The following COL25A1 variants were observed in gnomAD, a reference collection of about 807,000 sequenced individuals.
COL25A1 encodes the protein collagen type XXV alpha 1 chain, also known as collagen alpha-1(XXV) chain.
In COL25A1, 103 loss-of-function variants were observed where a neutral mutation model predicts 128.4. The ratio of observed to expected loss-of-function variants is 0.80; its 90% CI spans 0.68 to 0.94. The LOEUF is 0.94. COL25A1 is among the 40% of genes least tolerant of loss of function. The probability of loss-of-function intolerance (pLI) is 0.00; values close to 1 mark genes in which losing one functional copy is unlikely to be tolerated. For synonymous variants in COL25A1, 279 were observed against 277.2 expected (o/e 1.01, Z -0.06); for missense variants, 745 against 840.0 (o/e 0.89, Z 1.40).
At chr4:108,823,874 G>T in intron 35 of COL25A1, 1 of 1,350,188 alleles carries the variant, frequency 7.4e-7, no homozygotes, top group African/African-American at 1.5e-5. Context: ...TTTTTAAAAT[G>T]ATTTTTTTTT....
At chr4:109,074,669 T>G (rs1445899103) in intron 3 of COL25A1, among the ~76,000 whole-genome samples, 1 of 152,220 alleles carries the variant, frequency 6.6e-6, no homozygotes, top group African/African-American at 2.4e-5. Context: ...GAGTTCTGTG[T>G]ATTATTCTCA....
intron 3 of COL25A1, among the ~76,000 whole-genome samples, chr4:109,292,518 T>A (rs1418090023): frequency 2.0e-5 from 3 of 152,078 alleles, no homozygotes; most frequent in Non-Finnish European, 4.4e-5. Context: ...AGCTCTACGA[T>A]GAGCCCTAGA....
chr4:108,872,040 T>C, intron 19 of COL25A1, among the ~76,000 whole-genome samples: 1 of 152,218 alleles, frequency 6.6e-6, no homozygotes. Context: ...AGGAAGTCTT[T>C]AAGGTCAAAC....
intron 3 of COL25A1, among the ~76,000 whole-genome samples, chr4:109,262,622 C>A (rs1424141088): frequency 6.6e-6 from 1 of 152,118 alleles, no homozygotes; most frequent in Admixed American, 6.5e-5. Context: ...CCTTTCAGTT[C>A]ATCGGTAAAA....
At chr4:109,091,871 C>T (rs1764937728) in intron 3 of COL25A1, among the ~76,000 whole-genome samples, 1 of 152,114 alleles carries the variant, frequency 6.6e-6, no homozygotes, top group South Asian at 2.1e-4. Context: ...CACACAAGCG[C>T]AGGAGTGAGT....
chr4:109,194,211 A>G (rs1775836449), intron 3 of COL25A1, among the ~76,000 whole-genome samples: 1 of 152,194 alleles, frequency 6.6e-6, no homozygotes, highest in Non-Finnish European at 1.5e-5. Context: ...ATGAACTGTA[A>G]AGAGAGGATT....
chr4:109,269,593 T>TCTCCAAA (rs1782054760), intron 3 of COL25A1, among the ~76,000 whole-genome samples: 2 of 150,542 alleles, frequency 1.3e-5, no homozygotes, highest in Non-Finnish European at 2.9e-5. Flanking sequence ...CTCCAGCACC[T>TCTCCAAA]GTTGTTTCCT....
At chr4:108,901,281 A>G in intron 13 of COL25A1, 109 bp from the exon 14 acceptor site, 3 of 766,858 alleles carry the variant, frequency 3.9e-6, no homozygotes, top group South Asian at 1.7e-5. Context: ...TAGATAAAGA[A>G]TAAGTGACTA....
At chr4:109,235,755 G>A (rs993522823) in intron 3 of COL25A1, among the ~76,000 whole-genome samples, 2 of 152,036 alleles carry the variant, frequency 1.3e-5, no homozygotes, top group Non-Finnish European at 2.9e-5. Context: ...TCAATCTATA[G>A]GCATAGATTG....
At chr4:108,980,349 T>C (rs1315195762) in intron 6 of COL25A1, among the ~76,000 whole-genome samples, 2 of 152,218 alleles carry the variant, frequency 1.3e-5, no homozygotes, top group East Asian at 1.9e-4. Flanking sequence ...GGTTAACTGA[T>C]TGGACATGGG....
At chr4:108,966,405 G>A (rs182850417) in intron 8 of COL25A1, among the ~76,000 whole-genome samples, 32 of 152,244 alleles carry the variant, frequency 2.1e-4, no homozygotes, top group Admixed American at 5.2e-4. Context: ...AAGTTGAAAG[G>A]GTTCCTAGCA....
rs79608051 is a variant in COL25A1, at chr4:109,157,181, G to C, written c.368-107002C>G. ...AAGGAAGAGAAGAACTGTGTCTTAT[G>C]GATATTCTCAATTAACAAATAAATT... On this transcript the variant is annotated intron_variant, in intron 3 of 37. Transcript: ENST00000399132. Among the ~76,000 whole-genome samples the C allele has an allele frequency of 8.4e-4, 128 of 152,080 alleles. 1 individual carries two copies. In the East Asian group the frequency reaches 0.024, roughly 29 times the overall value.
intron 5 of COL25A1, among the ~76,000 whole-genome samples, chr4:109,039,526 A>AG (rs941465151): frequency 2.8e-4 from 42 of 152,308 alleles, no homozygotes; most frequent in African/African-American, 9.1e-4. Context: ...TCAGATCCAG[A>AG]GGCATTCCTG....
intron 5 of COL25A1, among the ~76,000 whole-genome samples, chr4:109,047,668 A>T (rs986652684): frequency 1.3e-5 from 2 of 152,036 alleles, no homozygotes; most frequent in African/African-American, 4.8e-5. Context: ...TTGCATTCTA[A>T]CATCACATGA....
intron 3 of COL25A1, among the ~76,000 whole-genome samples, chr4:109,177,530 T>C (rs1774212384): frequency 6.6e-6 from 1 of 152,180 alleles, no homozygotes; most frequent in African/African-American, 2.4e-5. Flanking sequence ...TTCATTTTGA[T>C]GCTGAACTTT....
At chr4:109,018,694 A>C (rs751304127) in intron 5 of COL25A1, among the ~76,000 whole-genome samples, 5 of 152,144 alleles carry the variant, frequency 3.3e-5, no homozygotes, top group Non-Finnish European at 5.9e-5. Flanking sequence ...TCAGACCCCA[A>C]GCTATAAGGT....
chr4:109,280,619 A>C (rs78229579), intron 3 of COL25A1, among the ~76,000 whole-genome samples: 5,532 of 152,066 alleles, frequency 0.036, 352 homozygotes, highest in African/African-American at 0.13. Flanking sequence ...TATTGTGGTT[A>C]TATCTTTAGA....
In COL25A1 at chr4:108,810,202, A is replaced by C. The variant is rs1009789245; in HGVS notation, c.*3725T>G. 1.1e-4 allele frequency: 17 copies of C among 151,772 alleles called. No homozygotes were observed. Among genetic ancestry groups the C allele is most frequent in the Non-Finnish European group, 1.6e-4 (11 of 67,800 alleles). The allele number at this position is 151,772 out of a possible 1,614,324, so 9.4% of individuals were successfully genotyped here. On this transcript the variant is annotated 3_prime_UTR_variant, in exon 38 of 38. Transcript: ENST00000399132. Reference sequence around the variant, plus strand: ...TTCAATAGTAACATTAAAAAAAAAAACCCTTGGAAATTAAGCACATTTCCT... The same window carrying C: ...TTCAATAGTAACATTAAAAAAAAAACCCCTTGGAAATTAAGCACATTTCCT...
intron 3 of COL25A1, among the ~76,000 whole-genome samples, chr4:109,278,134 C>CAA (rs529271790): frequency 2.9e-5 from 4 of 138,990 alleles, no homozygotes; most frequent in African/African-American, 1.1e-4. Flanking sequence ...GACTCCATCT[C>CAA]AAAAAAAAAA....
Sources: gnomAD v4.1 joint callset for allele counts (sites outside exome capture counted in the v4.1 genomes callset) on GRCh38, gnomAD v4.1.1 for gene constraint, MANE v1.5 for transcripts, NCBI Gene and HGNC (gene_info 2026-07-23, HGNC 2026-07-21) for gene names.